MCC: variants seen among roughly 807,000 people sequenced by gnomAD.
The protein encoded by MCC is MCC regulator of Wnt signaling pathway.
In MCC, 90 loss-of-function variants were observed where a neutral mutation model predicts 116.2. The observed-to-expected ratio is 0.77, with a 90% CI of 0.65 to 0.92. The LOEUF (loss-of-function observed/expected upper bound fraction) is 0.92. Among genes scored for constraint, MCC ranks in the 40% least tolerant of loss-of-function variants. The pLI, the probability that MCC is intolerant of heterozygous loss-of-function variation, is 0.00. For missense variants in MCC, 1,516 were observed against 1,312.2 expected (o/e 1.16, Z -2.40); for synonymous variants, 578 against 510.5 (o/e 1.13, Z -1.78).
At chr5:113,109,223 A>G (rs1184802711) in intron 6 of MCC, among the ~76,000 whole-genome samples, 6 of 152,224 alleles carry the variant, frequency 3.9e-5, no homozygotes, top group Non-Finnish European at 5.9e-5. Flanking sequence ...CCCGATGTTC[A>G]TAGCAGCATT....
chr5:113,470,570 T>C (rs1186424994), intron 1 of MCC, among the ~76,000 whole-genome samples: 1 of 152,208 alleles, frequency 6.6e-6, no homozygotes, highest in Non-Finnish European at 1.5e-5. Context: ...CTGATGGGCT[T>C]CCCTTTGTGG....
At chr5:113,064,663 G>A (rs868503134) in intron 13 of MCC, among the ~76,000 whole-genome samples, 4 of 152,158 alleles carry the variant, frequency 2.6e-5, no homozygotes, top group Non-Finnish European at 5.9e-5. Context: ...TGGTTCAGAC[G>A]AGAGCTTTAG....
chr5:113,304,796 G>A (rs114154915), intron 3 of MCC, among the ~76,000 whole-genome samples: 4,847 of 152,162 alleles, frequency 0.032, 102 homozygotes, highest in East Asian at 0.068. Context: ...CCTCCCAGGA[G>A]TACCTGCATA....
intron 3 of MCC, among the ~76,000 whole-genome samples, chr5:113,271,770 T>C (rs1405466475): frequency 1.3e-5 from 2 of 152,196 alleles, no homozygotes; most frequent in Non-Finnish European, 2.9e-5. Flanking sequence ...CAGAAAAGGA[T>C]GAGTCTGTCC....
chr5:113,022,342 T>A lies in MCC; in HGVS notation c.*4960A>T, dbSNP rs993328994. 1 of 152,582 alleles carries A rather than the reference T, an allele frequency of 6.6e-6. No individual in the cohort carries two copies. Among genetic ancestry groups the A allele is most frequent in the African/African-American group, 2.4e-5 (1 of 41,444 alleles). 9.5% of individuals were successfully genotyped at this position (152,582 alleles called of 1,614,324 possible). A position where few individuals can be genotyped will look rare whatever the true frequency, so the allele number is the denominator to read the frequency against. Reference sequence around the variant, plus strand: ...AGCAATTTTAAAATGAGACTTTCAGTACAAACAGTAGAACAATACTGACAA... The same window carrying A: ...AGCAATTTTAAAATGAGACTTTCAGAACAAACAGTAGAACAATACTGACAA... On this transcript the variant is annotated 3_prime_UTR_variant, in exon 19 of 19. Coordinates refer to ENST00000408903, the MANE Select transcript of MCC (RefSeq NM_001085377.2).
chr5:113,478,396 G>A (rs1050913688), intron 1 of MCC, among the ~76,000 whole-genome samples: 19 of 152,168 alleles, frequency 1.2e-4, no homozygotes, highest in Non-Finnish European at 1.6e-4. Flanking sequence ...TGGATATTAG[G>A]TATATTTTAA....
chr5:113,114,528 C>CT (rs66848680), intron 6 of MCC, among the ~76,000 whole-genome samples: 69,566 of 151,968 alleles, frequency 0.46, 17,521 homozygotes, highest in East Asian at 0.72. Context: ...AACATGCAAC[C>CT]TTTTTTCCCC....
intron 3 of MCC, among the ~76,000 whole-genome samples, chr5:113,288,464 C>T (rs1415623860): frequency 6.6e-6 from 1 of 152,208 alleles, no homozygotes; most frequent in Non-Finnish European, 1.5e-5. Context: ...CTCCCAACCC[C>T]CACTGAATGA....
intron 3 of MCC, among the ~76,000 whole-genome samples, chr5:113,213,285 C>G (rs1324035278): frequency 6.6e-6 from 1 of 152,130 alleles, no homozygotes; most frequent in African/African-American, 2.4e-5. Context: ...GTTTAGCAGG[C>G]TAATAAGAAA....
chr5:113,277,221 A>T (rs1036610493), intron 3 of MCC, among the ~76,000 whole-genome samples: 1 of 151,120 alleles, frequency 6.6e-6, no homozygotes, highest in Non-Finnish European at 1.5e-5. Context: ...AAAAAAAAAC[A>T]GCCAGACATC....
chr5:113,034,116 T>C (rs1751157453), intron 17 of MCC, among the ~76,000 whole-genome samples: 1 of 150,004 alleles, frequency 6.7e-6, no homozygotes, highest in South Asian at 2.1e-4. Context: ...CCCAGGCTGG[T>C]TGCAAACTAC....
intron 3 of MCC, among the ~76,000 whole-genome samples, chr5:113,285,098 C>CA (rs377174589): frequency 2.4e-4 from 37 of 151,920 alleles, no homozygotes; most frequent in African/African-American, 8.4e-4. Context: ...CTGAAGATGT[C>CA]AAAAAAATAA....
intron 5 of MCC, among the ~76,000 whole-genome samples, chr5:113,135,964 G>C (rs1758795273): frequency 6.6e-6 from 1 of 152,138 alleles, no homozygotes; most frequent in Admixed American, 6.5e-5. Flanking sequence ...AGAATCACTT[G>C]AACTCAGGAG....
At chr5:113,206,516 AC>A (rs1204574188) in intron 3 of MCC, among the ~76,000 whole-genome samples, 7 of 152,158 alleles carry the variant, frequency 4.6e-5, no homozygotes, top group African/African-American at 1.7e-4. Flanking sequence ...GAAGTTCAAG[AC>A]CAGCCTGGGC....
At chr5:113,193,184 G>T (rs1762231130) in intron 3 of MCC, among the ~76,000 whole-genome samples, 1 of 151,986 alleles carries the variant, frequency 6.6e-6, no homozygotes, top group Non-Finnish European at 1.5e-5. Context: ...TTTTTCTTCT[G>T]ACTCTCATTT....
chr5:113,071,409 CTG>C (rs1355838988), intron 11 of MCC, among the ~76,000 whole-genome samples, 175 bp from the exon 12 acceptor site: 1 of 152,196 alleles, frequency 6.6e-6, no homozygotes, highest in Non-Finnish European at 1.5e-5. Flanking sequence ...TCACCAAACT[CTG>C]TGTGAATTAC....
chr5:113,419,012 T>C lies in MCC; in HGVS notation c.171-33800A>G, dbSNP rs543904129. 5.8e-4 allele frequency among the ~76,000 whole-genome samples: 88 copies of C among 152,246 alleles called. 3 individuals carry two copies. Among genetic ancestry groups the C allele is most frequent in the African/African-American group, 1.9e-3 (78 of 41,554 alleles). The stretch of plus-strand genomic sequence containing the variant: ...TATGCAACTAACAGAAATGAATTCA[T>C]TGGGAAAAAGTTTGGCAATTCCTAA... On this transcript the variant is annotated intron_variant, in intron 1 of 18. Coordinates refer to ENST00000408903, the MANE Select transcript of MCC (RefSeq NM_001085377.2).
chr5:113,219,373 A>G (rs1763454800), intron 3 of MCC, among the ~76,000 whole-genome samples: 1 of 152,242 alleles, frequency 6.6e-6, no homozygotes, highest in African/African-American at 2.4e-5. Flanking sequence ...GACTTCCAAT[A>G]AAAAGTCAGT....
Position 113,152,777 on chromosome 5 carries a change from A to C in MCC, c.628-1355T>G, listed in dbSNP as rs147276655. Among the ~76,000 whole-genome samples, 164 of 152,272 alleles carry C rather than the reference A, an allele frequency of 1.1e-3. 1 individual carries two copies. Among genetic ancestry groups the C allele is most frequent in the African/African-American group, 3.9e-3 (160 of 41,548 alleles). On this transcript the variant is annotated intron_variant, in intron 3 of 18. Coordinates refer to ENST00000408903, the MANE Select transcript of MCC (RefSeq NM_001085377.2). ...CTCTAATAGCAGTAAATGTGACTTC[A>C]CTTAATCGCATCGGAGCAGCAAACC...
Sources: allele counts gnomAD v4.1 joint callset (sites outside exome capture counted in the v4.1 genomes callset), GRCh38; gene constraint gnomAD v4.1.1; transcripts MANE v1.5; gene names NCBI Gene and HGNC (gene_info 2026-07-23, HGNC 2026-07-21).